STK32A: variants seen among roughly 807,000 people sequenced by gnomAD.
STK32A encodes serine/threonine kinase 32A, also known as serine/threonine-protein kinase 32A.
In STK32A, 41 loss-of-function variants were observed where a neutral mutation model predicts 53.2. That is an observed-to-expected ratio of 0.77 (90% CI 0.60 to 1.00). The LOEUF is 1.00. Among genes scored for constraint, STK32A ranks in the 50% least tolerant of loss-of-function variants. The pLI, the probability that STK32A is intolerant of heterozygous loss-of-function variation, is 0.00. For missense variants in STK32A, 458 were observed against 485.8 expected, an observed-to-expected ratio of 0.94 and a Z score of 0.54; for synonymous variants, 166 against 162.8, an observed-to-expected ratio of 1.02 and a Z score of -0.15.
At chr5:147,359,007 G>A (rs891656164) in intron 7 of STK32A, among the ~76,000 whole-genome samples, 3 of 152,184 alleles carry the variant, frequency 2.0e-5, no homozygotes, top group African/African-American at 7.2e-5. Flanking sequence ...TCATGTTTAT[G>A]TGGACATTTG....
chr5:147,284,901 C>A (rs1012677344), intron 4 of STK32A, among the ~76,000 whole-genome samples: 1 of 151,974 alleles, frequency 6.6e-6, no homozygotes, highest in African/African-American at 2.4e-5. Context: ...AAATTCAATG[C>A]AATTTCCATC....
intron 4 of STK32A, among the ~76,000 whole-genome samples, chr5:147,318,883 T>A (rs1754152316): frequency 6.6e-6 from 1 of 152,090 alleles, no homozygotes; most frequent in Non-Finnish European, 1.5e-5. Context: ...GTATACAAGA[T>A]ACCCATTTCT....
chr5:147,319,689 C>A (rs1754202845), intron 4 of STK32A, among the ~76,000 whole-genome samples: 1 of 152,052 alleles, frequency 6.6e-6, no homozygotes, highest in Non-Finnish European at 1.5e-5. Flanking sequence ...GACAGTGTAC[C>A]CTAACCTCCT....
intron 4 of STK32A, among the ~76,000 whole-genome samples, chr5:147,307,765 ATAAG>A (rs1194167837): frequency 1.3e-5 from 2 of 152,136 alleles, no homozygotes; most frequent in African/African-American, 2.4e-5. Flanking sequence ...CTTCATATAA[ATAAG>A]TAATTGACCC....
chr5:147,245,837 A>G (rs1041403056), intron 2 of STK32A, among the ~76,000 whole-genome samples: 2 of 152,190 alleles, frequency 1.3e-5, no homozygotes, highest in Middle Eastern at 3.2e-3. Context: ...TGGCAACACC[A>G]TCTCCTAGGA....
At chr5:147,265,666 T>C (rs1754772576) in intron 2 of STK32A, among the ~76,000 whole-genome samples, 1 of 152,074 alleles carries the variant, frequency 6.6e-6, no homozygotes, top group Admixed American at 6.5e-5. Context: ...CTTATGTTTT[T>C]CCATCAGTGC....
chr5:147,317,235 T>C (rs1436448881), intron 4 of STK32A, among the ~76,000 whole-genome samples: 2 of 151,300 alleles, frequency 1.3e-5, no homozygotes, highest in Non-Finnish European at 2.9e-5. Flanking sequence ...GTGGAATGTA[T>C]AGATTGACGT....
At chr5:147,247,223 G>A (rs912986403) in intron 2 of STK32A, among the ~76,000 whole-genome samples, 4 of 152,168 alleles carry the variant, frequency 2.6e-5, no homozygotes, top group Middle Eastern at 3.2e-3. Flanking sequence ...ATGTCAACTC[G>A]ATTAGAGTGA....
chr5:147,401,912 T>C, the STK32A span: 6 of 459,690 alleles, frequency 1.3e-5, no homozygotes, highest in African/African-American at 1.2e-4. Flanking sequence ...AAGCCATTGG[T>C]TGTTAGATGC....
At chr5:147,235,754 A>G (rs2151935487) in intron 1 of STK32A, among the ~76,000 whole-genome samples, 1 of 152,344 alleles carries the variant, frequency 6.6e-6, no homozygotes, top group East Asian at 1.9e-4. Context: ...AAATCATAGA[A>G]GGGGGACTGT....
intron 12 of STK32A, among the ~76,000 whole-genome samples, 177 bp downstream of exon 12, chr5:147,383,682 A>C (rs1018774579): frequency 6.6e-6 from 1 of 152,174 alleles, no homozygotes; most frequent in South Asian, 2.1e-4. Context: ...ACATTTTTTA[A>C]TTGATAAATT....
intron 6 of STK32A, 87 bp from the exon 7 acceptor site, chr5:147,350,978 C>G (rs1194989267): frequency 1.6e-5 from 18 of 1,099,340 alleles, no homozygotes; most frequent in Non-Finnish European, 2.2e-5. Context: ...AATTAACAGA[C>G]TAATTGGGTG....
At chr5:147,401,477 C>A in the STK32A span, 1 of 1,519,146 alleles carries the variant, frequency 6.6e-7, no homozygotes, top group Non-Finnish European at 8.9e-7. Flanking sequence ...CTGTCCTCAA[C>A]CCCCAGCTGG....
chr5:147,290,698 C>T (rs1226373672), intron 4 of STK32A, among the ~76,000 whole-genome samples: 1 of 152,156 alleles, frequency 6.6e-6, no homozygotes, highest in Non-Finnish European at 1.5e-5. Flanking sequence ...AAAGAACTAC[C>T]TGTACTGAGA....
In STK32A at chr5:147,371,391, C is replaced by T. The variant is rs1165101940; in HGVS notation, c.777+621C>T. Among the ~76,000 whole-genome samples the T allele has an allele frequency of 4.9e-4, 75 of 152,134 alleles. 3 individuals are homozygous for T. Among genetic ancestry groups the T allele is most frequent in the Non-Finnish European group, 1.0e-3 (68 of 68,020 alleles). ...GTTTTGGACTTTTGGACTTTTGTCC[C>T]CCCTTTGACTACACATAAACTGCTT... On this transcript the variant is annotated intron_variant, in intron 9 of 12. Coordinates refer to ENST00000397936, the MANE Select transcript of STK32A (RefSeq NM_001112724.2).
intron 5 of STK32A, among the ~76,000 whole-genome samples, chr5:147,325,076 A>T (rs1195059829): frequency 1.3e-5 from 2 of 152,206 alleles, no homozygotes; most frequent in African/African-American, 2.4e-5. Flanking sequence ...CTGACCTCAA[A>T]GTCAGAATTC....
chr5:147,284,575 A>G (rs1287230909), intron 4 of STK32A, among the ~76,000 whole-genome samples: 1 of 152,134 alleles, frequency 6.6e-6, no homozygotes, highest in African/African-American at 2.4e-5. Flanking sequence ...CGGATACAAG[A>G]TTAATGTACA....
At chr5:147,401,492 A>C in the STK32A span, 6 of 1,561,804 alleles carry the variant, frequency 3.8e-6, no homozygotes, top group Admixed American at 1.9e-5. Context: ...AGCTGGACTC[A>C]AGAGATGTTT....
rs770693308 is a variant in STK32A at position 147,355,040 on chromosome 5, C to T, written c.562+3886C>T. Among the ~76,000 whole-genome samples the T allele has an allele frequency of 1.4e-4, 22 of 152,220 alleles. No individual in the cohort carries two copies. The East Asian group carries it at 3.5e-3, about 24-fold the overall frequency. On this transcript the variant is annotated intron_variant, in intron 7 of 12. Coordinates refer to ENST00000397936, the MANE Select transcript of STK32A (RefSeq NM_001112724.2). The stretch of plus-strand genomic sequence containing the variant: ...TGGTAAAATCTACCAAATCTATCAG[C>T]ACCCATTTTATAGTGCTTTCATAGG...
Sources: gnomAD v4.1 joint callset for allele counts (sites outside exome capture counted in the v4.1 genomes callset) on GRCh38, gnomAD v4.1.1 for gene constraint, MANE v1.5 for transcripts, NCBI Gene and HGNC (gene_info 2026-07-23, HGNC 2026-07-21) for gene names.